Variants in RARB observed in about 807,000 individuals in gnomAD.
The protein encoded by RARB is retinoic acid receptor beta.
In RARB, 17 loss-of-function variants were observed where a neutral mutation model predicts 51.9. The observed-to-expected ratio is 0.33, with a 90% CI of 0.22 to 0.49. The LOEUF is 0.49. Among genes scored for constraint, RARB ranks in the 20% least tolerant of loss-of-function variants. The pLI is 0.99. For missense variants in RARB, 369 were observed against 550.8 expected (o/e 0.67, Z 3.30); for synonymous variants, 215 against 195.4 (o/e 1.10, Z -0.84).
chr3:25,342,412 A>G (rs1162686200), intron 5 of RARB, among the ~76,000 whole-genome samples: 4 of 152,222 alleles, frequency 2.6e-5, no homozygotes, highest in Admixed American at 6.5e-5. Flanking sequence ...AAGAATCTTC[A>G]TCGGCTGCTA....
Position 25,560,334 on chromosome 3 carries a change from A to G in RARB, c.449-9424A>G, listed in dbSNP as rs143745609. On this transcript the variant is annotated intron_variant, in intron 3 of 7. Transcript: ENST00000330688. Reference sequence around the variant, plus strand: ...GTAGACCATTTCTCTAATGATTTGGATTTCTAAAATTGACAACATGAAAGA... The same window carrying G: ...GTAGACCATTTCTCTAATGATTTGGGTTTCTAAAATTGACAACATGAAAGA... Among the ~76,000 whole-genome samples, 173 of 152,316 alleles carry G rather than the reference A, an allele frequency of 1.1e-3. 1 individual carries two copies. Among genetic ancestry groups the G allele is most frequent in the African/African-American group, 4.0e-3 (167 of 41,584 alleles).
At chr3:25,425,992 T>C (rs1256836175), upstream of RARB, among the ~76,000 whole-genome samples, 1 of 152,204 alleles carries the variant, frequency 6.6e-6, no homozygotes, top group African/African-American at 2.4e-5. Flanking sequence ...ACTTCCAATA[T>C]AGCTGTTTCC....
At chr3:24,859,735 A>G (rs1702706193) in intron 2 of RARB, among the ~76,000 whole-genome samples, 2 of 152,222 alleles carry the variant, frequency 1.3e-5, no homozygotes, top group African/African-American at 4.8e-5. Context: ...ATTTTCTGTA[A>G]AGGACTAGAC....
Position 25,265,227 on chromosome 3 carries a change from C to T in RARB, c.178+90652C>T, listed in dbSNP as rs546098054. Among the ~76,000 whole-genome samples the T allele has an allele frequency of 1.3e-3, 198 of 152,158 alleles. 1 individual carries two copies. Among genetic ancestry groups the T allele is most frequent in the Middle Eastern group, 6.8e-3 (2 of 294 alleles). ...ATAGAGGCCACTCAAGCTTATATTC[C>T]GTTTTCTACTACTTGAAGGAAAAAC... On this transcript the variant is annotated intron_variant, in intron 5 of 11. Transcript: ENST00000383772.
chr3:25,004,858 C>T (rs1350955743), intron 2 of RARB, among the ~76,000 whole-genome samples: 1 of 152,030 alleles, frequency 6.6e-6, no homozygotes, highest in African/African-American at 2.4e-5. Flanking sequence ...AAATAAAATT[C>T]TACTGCTGTG....
intron 5 of RARB, among the ~76,000 whole-genome samples, chr3:25,388,847 G>A (rs7653403): frequency 0.016 from 2,410 of 151,944 alleles, 68 homozygotes; most frequent in African/African-American, 0.053. Context: ...GAATTTCTAG[G>A]TATTAAAAAA....
intron 2 of RARB, among the ~76,000 whole-genome samples, chr3:24,878,351 T>G (rs939149759): frequency 2.3e-4 from 34 of 150,688 alleles, no homozygotes; most frequent in African/African-American, 8.5e-4. Context: ...TTGGCTTGTT[T>G]CCAAGTTGTG....
chr3:25,407,458 G>T (rs1284580482), intron 5 of RARB, among the ~76,000 whole-genome samples: 2 of 152,168 alleles, frequency 1.3e-5, no homozygotes, highest in Non-Finnish European at 2.9e-5. Context: ...AATATGGTAG[G>T]TTCTCAATTA....
intron 2 of RARB, among the ~76,000 whole-genome samples, chr3:24,975,783 A>G (rs987933869): frequency 2.3e-4 from 35 of 149,746 alleles, no homozygotes; most frequent in Non-Finnish European, 5.9e-5. Flanking sequence ...TTTTTTTGTT[A>G]TTATACATTA....
chr3:25,143,609 G>C (rs1277434242), intron 4 of RARB, among the ~76,000 whole-genome samples: 1 of 152,144 alleles, frequency 6.6e-6, no homozygotes, highest in Admixed American at 6.5e-5. Flanking sequence ...TGCCCTGGTA[G>C]CCTCTGTAGG....
At chr3:25,520,579 C>T (rs7626008) in intron 3 of RARB, among the ~76,000 whole-genome samples, 22,029 of 152,086 alleles carry the variant, frequency 0.14, 3,212 homozygotes, top group African/African-American at 0.38. Flanking sequence ...AAATAAGTAG[C>T]GACTGTGAAT....
intron 4 of RARB, among the ~76,000 whole-genome samples, chr3:25,137,980 T>C (rs1166538072): frequency 6.6e-6 from 1 of 152,108 alleles, no homozygotes; most frequent in Non-Finnish European, 1.5e-5. Flanking sequence ...AAAACATCCT[T>C]TTTACCTAAG....
intron 3 of RARB, among the ~76,000 whole-genome samples, chr3:25,567,352 TG>T (rs144700563): frequency 2.0e-5 from 3 of 151,988 alleles, no homozygotes; most frequent in Non-Finnish European, 4.4e-5. Context: ...GTCTACTTTT[TG>T]TCTTTGGATT....
rs751105202 is a variant in RARB, at chr3:25,593,490, T to G, written c.787-13T>G. On this transcript the variant is annotated splice_polypyrimidine_tract_variant and intron_variant, in intron 5 of 7. Transcript: ENST00000330688. ...ATGGCTTAGAACATCCATCAATTTT[T>G]TTTTCCTTCCAGATTCTTAGAATTT... 2.5e-6 allele frequency: 4 copies of G among 1,608,982 alleles called. No individual in the cohort carries two copies. The highest frequency in any genetic ancestry group is 3.3e-5 in the Admixed American group (2 of 59,986).
At chr3:24,861,831 C>T (rs1239347550) in intron 2 of RARB, among the ~76,000 whole-genome samples, 2 of 151,376 alleles carry the variant, frequency 1.3e-5, no homozygotes, top group East Asian at 2.1e-4. Flanking sequence ...TTTAGTGTTA[C>T]TAGCAAAGTA....
intron 2 of RARB, among the ~76,000 whole-genome samples, chr3:24,943,434 C>T (rs928867354): frequency 6.6e-6 from 1 of 152,106 alleles, no homozygotes; most frequent in Admixed American, 6.5e-5. Flanking sequence ...TAACGGCATG[C>T]TAAAAAAGAT....
chr3:25,357,355 TG>T (rs1705774751), intron 5 of RARB, among the ~76,000 whole-genome samples: 1 of 151,954 alleles, frequency 6.6e-6, no homozygotes, highest in Admixed American at 6.6e-5. Context: ...CACTTTTTGT[TG>T]GGGTTGTTTT....
intron 3 of RARB, among the ~76,000 whole-genome samples, chr3:25,533,171 A>G (rs1698999525): frequency 6.6e-6 from 1 of 152,218 alleles, no homozygotes; most frequent in Non-Finnish European, 1.5e-5. Flanking sequence ...AAATAAAGTG[A>G]AAATATGCAG....
chr3:25,123,290 A>C (rs2125330093), intron 3 of RARB, among the ~76,000 whole-genome samples: 1 of 152,268 alleles, frequency 6.6e-6, no homozygotes, highest in Non-Finnish European at 1.5e-5. Context: ...GTCAATTTTC[A>C]GGACTGAGCA....
Sources: gnomAD v4.1 joint callset for allele counts (sites outside exome capture counted in the v4.1 genomes callset) on GRCh38, gnomAD v4.1.1 for gene constraint, MANE v1.5 for transcripts, NCBI Gene and HGNC (gene_info 2026-07-23, HGNC 2026-07-21) for gene names.